The following RUNX1 variants were observed in gnomAD, a reference collection of about 807,000 sequenced individuals.
RUNX1 encodes runt-related transcription factor 1.
A neutral mutation model predicts 42.8 loss-of-function variants in RUNX1; 19 were observed. The ratio of observed to expected loss-of-function variants is 0.44; its 90% CI spans 0.31 to 0.65. RUNX1 has a LOEUF of 0.65. Ranked by LOEUF, RUNX1 falls within the 30% of genes least tolerant of loss-of-function variation. The pLI, the probability that RUNX1 is intolerant of heterozygous loss-of-function variation, is 0.07. For synonymous variants in RUNX1, 271 were observed against 289.4 expected (o/e 0.94, Z 0.64); for missense variants, 528 against 672.0 (o/e 0.79, Z 2.37).
intron 2 of RUNX1, among the ~76,000 whole-genome samples, chr21:34,963,163 G>A (rs937314671): frequency 1.3e-5 from 2 of 152,156 alleles, no homozygotes; most frequent in African/African-American, 2.4e-5. Flanking sequence ...CAGAAGAAAC[G>A]CCCACGAAGA....
At chr21:35,027,984 G>A (rs1039767652) in intron 2 of RUNX1, among the ~76,000 whole-genome samples, 1 of 152,194 alleles carries the variant, frequency 6.6e-6, no homozygotes, top group African/African-American at 2.4e-5. Context: ...AGAACTGAGA[G>A]ACTAGACTAA....
chr21:34,960,431 A>T (rs948212586), intron 2 of RUNX1, among the ~76,000 whole-genome samples: 2 of 152,280 alleles, frequency 1.3e-5, no homozygotes, highest in Non-Finnish European at 2.9e-5. Flanking sequence ...GAGATGGAAG[A>T]GCCATGGATG....
chr21:35,022,515 C>T (rs971730966), intron 2 of RUNX1, among the ~76,000 whole-genome samples: 6 of 152,222 alleles, frequency 3.9e-5, no homozygotes, highest in African/African-American at 1.4e-4. Context: ...TATAGTTCCT[C>T]TCACAGCAAC....
At chr21:34,800,856 G>A (rs1250755262) in intron 7 of RUNX1, among the ~76,000 whole-genome samples, 2 of 152,092 alleles carry the variant, frequency 1.3e-5, no homozygotes, top group African/African-American at 4.8e-5. Flanking sequence ...CAGGCAAATA[G>A]TTTAACTTGG....
intron 3 of RUNX1, among the ~76,000 whole-genome samples, chr21:34,891,887 T>C (rs2058084269): frequency 6.6e-6 from 1 of 152,110 alleles, no homozygotes. Flanking sequence ...AGAAAAATAA[T>C]TTCATTGGAA....
At chr21:35,034,694 C>T (rs2059294951) in intron 2 of RUNX1, among the ~76,000 whole-genome samples, 2 of 152,176 alleles carry the variant, frequency 1.3e-5, no homozygotes, top group Non-Finnish European at 2.9e-5. Context: ...AGGGCAGTCC[C>T]CTCAACAGAG....
At chr21:34,853,395 T>C (rs1226936436) in intron 6 of RUNX1, among the ~76,000 whole-genome samples, 1 of 152,216 alleles carries the variant, frequency 6.6e-6, no homozygotes, top group Non-Finnish European at 1.5e-5. Flanking sequence ...AGAACTTTAC[T>C]GATAAACTCT....
intron 7 of RUNX1, among the ~76,000 whole-genome samples, chr21:34,823,106 C>G (rs1395635015): frequency 6.6e-6 from 1 of 152,214 alleles, no homozygotes; most frequent in African/African-American, 2.4e-5. Flanking sequence ...ATAGCAGGAA[C>G]TGGCAATTTA....
intron 5 of RUNX1, among the ~76,000 whole-genome samples, chr21:34,872,314 A>C (rs1397012155): frequency 6.6e-6 from 1 of 152,128 alleles, no homozygotes; most frequent in African/African-American, 2.4e-5. Context: ...TGTGACATTC[A>C]TGAGGGGGTG....
At chr21:34,936,655 G>A (rs1310725647) in intron 2 of RUNX1, among the ~76,000 whole-genome samples, 6 of 152,182 alleles carry the variant, frequency 3.9e-5, no homozygotes, top group Non-Finnish European at 8.8e-5. Context: ...GTCTCAGCAT[G>A]GCAAGAAATA....
intron 2 of RUNX1, among the ~76,000 whole-genome samples, chr21:34,978,943 C>T (rs1319389092): frequency 1.3e-5 from 2 of 148,520 alleles, no homozygotes; most frequent in East Asian, 3.9e-4. Flanking sequence ...CAGATACACA[C>T]ACACACACAC....
chr21:34,970,921 T>C (rs1187437966), intron 2 of RUNX1, among the ~76,000 whole-genome samples: 1 of 152,204 alleles, frequency 6.6e-6, no homozygotes, highest in Non-Finnish European at 1.5e-5. Flanking sequence ...CTAGATAAGT[T>C]TGGATTGCAG....
At chr21:34,873,150 G>GA (rs1201886322) in intron 5 of RUNX1, among the ~76,000 whole-genome samples, 1 of 152,082 alleles carries the variant, frequency 6.6e-6, no homozygotes, top group Non-Finnish European at 1.5e-5. Flanking sequence ...TAGAATGAAG[G>GA]AAAAAAATCT....
At chr21:34,929,330 A>C (rs948449343) in intron 2 of RUNX1, among the ~76,000 whole-genome samples, 8 of 152,190 alleles carry the variant, frequency 5.3e-5, no homozygotes, top group Non-Finnish European at 1.0e-4. Flanking sequence ...GCAGTTTATC[A>C]CCTGGAAATA....
intron 7 of RUNX1, among the ~76,000 whole-genome samples, chr21:34,805,612 G>A (rs1205779982): frequency 6.6e-6 from 1 of 152,116 alleles, no homozygotes; most frequent in African/African-American, 2.4e-5. Flanking sequence ...CTATTATTCT[G>A]CATTCAGCAA....
At chr21:34,814,448 A>T (rs1298850556) in intron 7 of RUNX1, among the ~76,000 whole-genome samples, 1 of 152,196 alleles carries the variant, frequency 6.6e-6, no homozygotes, top group Non-Finnish European at 1.5e-5. Context: ...GCTGATTTTA[A>T]ATGCTTTTAT....
chr21:35,048,695 C>A (rs1251690263), intron 2 of RUNX1, 147 bp downstream of exon 2: 2 of 763,192 alleles, frequency 2.6e-6, no homozygotes, highest in East Asian at 2.4e-5. Context: ...GACTTGTAAT[C>A]ATATGCCTCA....
intron 6 of RUNX1, among the ~76,000 whole-genome samples, chr21:34,850,346 G>C (rs141826714): frequency 6.6e-6 from 1 of 152,304 alleles, no homozygotes; most frequent in South Asian, 2.1e-4. Flanking sequence ...GGTCTCCAGT[G>C]CTGGTCACTG....
At chr21:34,877,646 C>T (rs1274219751) in intron 5 of RUNX1, among the ~76,000 whole-genome samples, 4 of 152,154 alleles carry the variant, frequency 2.6e-5, no homozygotes, top group Non-Finnish European at 4.4e-5. Context: ...GTGTAGCCAG[C>T]GAGGCCATCA....
Sources: gnomAD v4.1 joint callset for allele counts (sites outside exome capture counted in the v4.1 genomes callset) on GRCh38, gnomAD v4.1.1 for gene constraint, MANE v1.5 for transcripts, NCBI Gene and HGNC (gene_info 2026-07-23, HGNC 2026-07-21) for gene names.